Variants in HSD17B4 observed in about 807,000 individuals in gnomAD.
HSD17B4 encodes the protein hydroxysteroid 17-beta dehydrogenase 4, also known as peroxisomal multifunctional enzyme type 2.
In HSD17B4, 70 loss-of-function variants were observed where a neutral mutation model predicts 101.0. That is an observed-to-expected ratio of 0.69 (90% CI 0.57 to 0.85). The LOEUF is 0.85. HSD17B4 is among the 40% of genes least tolerant of loss of function. The pLI is 0.00. For missense variants in HSD17B4, 984 were observed against 892.4 expected, an observed-to-expected ratio of 1.10 and a Z score of -1.31; for synonymous variants, 347 against 297.1, an observed-to-expected ratio of 1.17 and a Z score of -1.73.
At chr5:119,536,656 T>A in intron 23 of HSD17B4, 106 bp downstream of exon 23, 3 of 1,047,126 alleles carry the variant, frequency 2.9e-6, no homozygotes, top group Non-Finnish European at 4.4e-6. Flanking sequence ...CCAGGTTTCT[T>A]ACAACTCTGA....
intron 21 of HSD17B4, among the ~76,000 whole-genome samples, chr5:119,530,564 A>G (rs1334173531): frequency 6.6e-6 from 1 of 151,704 alleles, no homozygotes; most frequent in African/African-American, 2.4e-5. Flanking sequence ...AGAAAAAAAA[A>G]AACTTAGAGC....
In HSD17B4 at chr5:119,484,664, C is replaced by G. The variant is rs146350988; in HGVS notation, c.623-4528C>G. ...TGAAATTATTTTAAAATAAGCTACT[C>G]CATGGAACACAAATACTTATGGTAC... On this transcript the variant is annotated intron_variant, in intron 8 of 23. Transcript: ENST00000510025. Among the ~76,000 whole-genome samples, 119 of 152,204 alleles carry G rather than the reference C, an allele frequency of 7.8e-4. 1 individual carries two copies. Among genetic ancestry groups the G allele is most frequent in the Non-Finnish European group, 1.4e-3 (92 of 67,984 alleles).
At chr5:119,457,943 G>C (rs553878457) in intron 2 of HSD17B4, among the ~76,000 whole-genome samples, 64 of 152,164 alleles carry the variant, frequency 4.2e-4, no homozygotes, top group Middle Eastern at 3.4e-3. Context: ...TTATAAACCT[G>C]TTTTGTAAAA....
At chr5:119,507,082 G>A (rs926880005) in intron 15 of HSD17B4, among the ~76,000 whole-genome samples, 193 bp downstream of exon 15, 4 of 152,172 alleles carry the variant, frequency 2.6e-5, no homozygotes, top group Non-Finnish European at 5.9e-5. Context: ...CTGGGCTTAG[G>A]CTGGGAAGGG....
chr5:119,503,102 G>GTGTGTGTGTC, intron 14 of HSD17B4, among the ~76,000 whole-genome samples: 1 of 151,824 alleles, frequency 6.6e-6, no homozygotes, highest in South Asian at 2.1e-4. Context: ...GTGTGTGTGT[G>GTGTGTGTGTC]TGTGTGTGTG....
intron 15 of HSD17B4, among the ~76,000 whole-genome samples, chr5:119,507,502 C>T (rs536035230): frequency 3.6e-4 from 55 of 152,090 alleles, no homozygotes; most frequent in African/African-American, 1.1e-3. Context: ...GTAAATTTTA[C>T]GCTGGGTGCG....
intron 18 of HSD17B4, among the ~76,000 whole-genome samples, chr5:119,525,564 T>A (rs1753511755): frequency 6.6e-6 from 1 of 151,988 alleles, no homozygotes; most frequent in South Asian, 2.1e-4. Flanking sequence ...AAGGACAAGG[T>A]CATTGGAGAG....
chr5:119,473,974 A>G lies in HSD17B4; in HGVS notation c.179A>G (p.Glu60Gly). 1 of 1,611,696 alleles carries G rather than the reference A, an allele frequency of 6.2e-7. No homozygotes were observed. Among genetic ancestry groups the G allele is most frequent in the South Asian group, 1.1e-5 (1 of 90,930 alleles). The change falls in exon 3 of 24, where the codon GAA becomes GGA. Residue 60 changes from glutamate to glycine, a missense_variant. Transcript: ENST00000510025. ...TCCTTAGCTGCTGATAAGGTTGTTG[A>G]AGAAATAAGAAGGAGAGGTGGAAAA... ...KGSLAADKVV[E>G]EIRRRGGKAV...
chr5:119,502,535 T>TGC (rs3839244), intron 14 of HSD17B4, among the ~76,000 whole-genome samples: 2 of 151,328 alleles, frequency 1.3e-5, no homozygotes, highest in Non-Finnish European at 3.0e-5. Flanking sequence ...AAAACAAGTC[T>TGC]TTAATAATCA....
chr5:119,468,290 A>C (rs936391747), intron 2 of HSD17B4, among the ~76,000 whole-genome samples: 1 of 152,108 alleles, frequency 6.6e-6, no homozygotes, highest in Admixed American at 6.5e-5. Flanking sequence ...ATTTCTTTTA[A>C]GACGGGTCTA....
At chr5:119,502,805 T>G (rs1751292656) in intron 14 of HSD17B4, among the ~76,000 whole-genome samples, 1 of 152,182 alleles carries the variant, frequency 6.6e-6, no homozygotes, top group Non-Finnish European at 1.5e-5. Context: ...AAAAAATGTA[T>G]GAGATTTTTA....
intron 23 of HSD17B4, among the ~76,000 whole-genome samples, chr5:119,539,077 C>G (rs1004546023): frequency 2.6e-5 from 4 of 151,980 alleles, no homozygotes; most frequent in African/African-American, 9.7e-5. Flanking sequence ...TTCTGCATGT[C>G]AGACTCTATA....
At chr5:119,517,448 C>T (rs154596) in intron 17 of HSD17B4, among the ~76,000 whole-genome samples, 42,510 of 152,162 alleles carry the variant, frequency 0.28, 6,992 homozygotes, top group East Asian at 0.4. Flanking sequence ...CCCTGCTCCA[C>T]GGCGCCCAGT....
intron 8 of HSD17B4, among the ~76,000 whole-genome samples, chr5:119,480,397 T>G (rs1317711025): frequency 6.6e-6 from 1 of 151,966 alleles, no homozygotes; most frequent in Non-Finnish European, 1.5e-5. Context: ...TAAAGCTGGG[T>G]GTCCAGGGGA....
At chr5:119,473,017 A>T (rs552937497) in intron 2 of HSD17B4, among the ~76,000 whole-genome samples, 3 of 152,178 alleles carry the variant, frequency 2.0e-5, no homozygotes, top group Admixed American at 2.0e-4. Context: ...TTCTTTATTC[A>T]TTCACCTATC....
intron 2 of HSD17B4, among the ~76,000 whole-genome samples, chr5:119,463,115 T>C (rs571751358): frequency 2.6e-5 from 4 of 152,352 alleles, no homozygotes; most frequent in Admixed American, 1.3e-4. Flanking sequence ...TATTTATCTT[T>C]CTGTGCCTGG....
At chr5:119,468,939 GT>G (rs373776362) in intron 2 of HSD17B4, among the ~76,000 whole-genome samples, 2,152 of 137,946 alleles carry the variant, frequency 0.016, 50 homozygotes, top group African/African-American at 0.053. Context: ...TTGAATTCTT[GT>G]TTTTTTTTTT....
intron 22 of HSD17B4, 135 bp from the exon 23 acceptor site, chr5:119,536,288 T>G: frequency 1.3e-6 from 1 of 783,836 alleles, no homozygotes; most frequent in Non-Finnish European, 2.2e-6. Context: ...GTATAATTGA[T>G]AGATAGAATA....
At chr5:119,455,410 G>T (rs531022342) in intron 1 of HSD17B4, among the ~76,000 whole-genome samples, 2 of 152,142 alleles carry the variant, frequency 1.3e-5, no homozygotes, top group South Asian at 2.1e-4. Context: ...CCAGCTACTC[G>T]CGAGGCTGAG....
Sources: allele counts gnomAD v4.1 joint callset (sites outside exome capture counted in the v4.1 genomes callset), GRCh38; gene constraint gnomAD v4.1.1; transcripts MANE v1.5; gene names NCBI Gene and HGNC (gene_info 2026-07-23, HGNC 2026-07-21).